The following TMEM144 variants were observed in gnomAD, a reference collection of about 807,000 sequenced individuals.
TMEM144 encodes transmembrane protein 144.
A neutral mutation model predicts 43.6 loss-of-function variants in TMEM144; 39 were observed. The ratio of observed to expected loss-of-function variants is 0.90; its 90% CI spans 0.69 to 1.17. The LOEUF (loss-of-function observed/expected upper bound fraction) is 1.17, where lower values mean the gene tolerates loss of function less well. Among genes scored for constraint, TMEM144 ranks in the 50% most tolerant of loss-of-function variants. TMEM144 has a pLI of 0.00. For missense variants in TMEM144, 417 were observed against 411.9 expected (o/e 1.01, Z -0.11); for synonymous variants, 154 against 133.6 (o/e 1.15, Z -1.06).
chr4:158,213,618 G>C (rs1734073433), intron 3 of TMEM144: 1 of 152,098 alleles, frequency 6.6e-6, no homozygotes, highest in Admixed American at 6.5e-5. Context: ...GTGAATTTTG[G>C]GGAAGGAGAA....
At chr4:158,227,452 T>C (rs143785284) in intron 6 of TMEM144, among the ~76,000 whole-genome samples, 4,426 of 152,300 alleles carry the variant, frequency 0.029, 69 homozygotes, top group Middle Eastern at 0.041. Context: ...GAGAATACTT[T>C]CAATTATCAA....
At chr4:158,218,757 A>G (rs1269073687) in intron 5 of TMEM144, among the ~76,000 whole-genome samples, 2 of 152,174 alleles carry the variant, frequency 1.3e-5, no homozygotes, top group Non-Finnish European at 2.9e-5. Flanking sequence ...AGAGACACTC[A>G]CAAGTACTTT....
chr4:158,246,258 G>C (rs72695762), intron 12 of TMEM144, among the ~76,000 whole-genome samples: 1,764 of 152,212 alleles, frequency 0.012, 14 homozygotes, highest in South Asian at 0.03. Context: ...TTGATCCAAA[G>C]ACCCCTCCCC....
chr4:158,251,115 T>G (rs1396831122), intron 12 of TMEM144, among the ~76,000 whole-genome samples: 3 of 152,222 alleles, frequency 2.0e-5, no homozygotes, highest in Non-Finnish European at 4.4e-5. Context: ...TTTTTCCTTT[T>G]AAGAAGGATC....
At chr4:158,212,217 A>G (rs1038585668) in intron 2 of TMEM144, 1 of 152,344 alleles carries the variant, frequency 6.6e-6, no homozygotes, top group Admixed American at 6.5e-5. Context: ...GCCTTTTCCA[A>G]ATGGTAACTT....
chr4:158,236,647 G>T (rs868822261), intron 8 of TMEM144, among the ~76,000 whole-genome samples: 3 of 151,920 alleles, frequency 2.0e-5, no homozygotes, highest in African/African-American at 7.3e-5. Context: ...AATTGTTTTT[G>T]CCTACAACTG....
chr4:158,235,473 G>A lies in TMEM144; in HGVS notation c.531G>A (p.Val177=). ...INTTQDPCSW[V]DKLSTVHHRI... is the part of the protein sequence containing the mutation. ...CAACCCAAGACCCCTGTTCCTGGGT[G>A]GATAAACTTTCTACAGTACACCACC... The change falls in exon 8 of 13, where the codon GTG becomes GTA. Residue 177 remains valine (V), a synonymous_variant. Transcript: ENST00000296529. 4 of 1,613,898 alleles carry A rather than the reference G, an allele frequency of 2.5e-6. No homozygotes were observed. Among genetic ancestry groups the A allele is most frequent in the Non-Finnish European group, 3.4e-6 (4 of 1,179,878 alleles).
intron 6 of TMEM144, among the ~76,000 whole-genome samples, chr4:158,226,048 A>T (rs895890536): frequency 6.6e-6 from 1 of 152,246 alleles, no homozygotes; most frequent in African/African-American, 2.4e-5. Flanking sequence ...CATGTGCACA[A>T]GCATAACAAT....
intron 12 of TMEM144, among the ~76,000 whole-genome samples, chr4:158,246,115 A>T (rs1411603074): frequency 6.6e-6 from 1 of 152,136 alleles, no homozygotes; most frequent in East Asian, 1.9e-4. Flanking sequence ...CAATTTAAAG[A>T]TTTTAAAATG....
At chr4:158,233,078 G>A in intron 7 of TMEM144, 96 bp downstream of exon 7, 2 of 872,580 alleles carry the variant, frequency 2.3e-6, no homozygotes, top group Non-Finnish European at 1.8e-6. Flanking sequence ...AGTGGTGTTT[G>A]CTCATCACTC....
rs1734772904 is a variant in TMEM144, at chr4:158,226,469, CT to C, written c.414-6429del. Reference sequence around the variant, plus strand: ...AGCCAATGTTTACACATGGAATTTTCTTTCTAATTAACATTTTAAAACTTGA... The same window carrying C: ...AGCCAATGTTTACACATGGAATTTTCTTCTAATTAACATTTTAAAACTTGA... On this transcript the variant is annotated intron_variant, in intron 6 of 12. Transcript: ENST00000296529. Among the ~76,000 whole-genome samples, 9 of 152,102 alleles carry C rather than the reference CT, an allele frequency of 5.9e-5. No individual in the cohort carries two copies. The South Asian group carries it at 1.9e-3, about 31-fold the overall frequency.
intron 10 of TMEM144, among the ~76,000 whole-genome samples, chr4:158,241,188 G>T (rs1735619147): frequency 6.6e-6 from 1 of 151,914 alleles, no homozygotes; most frequent in Admixed American, 6.6e-5. Flanking sequence ...ATGGTTTACG[G>T]TAAATGGTAT....
chr4:158,242,255 G>GC (rs1215641637), intron 11 of TMEM144, among the ~76,000 whole-genome samples: 2 of 152,150 alleles, frequency 1.3e-5, no homozygotes, highest in African/African-American at 4.8e-5. Context: ...CTTGGTGCTT[G>GC]TTATCTGGGA....
chr4:158,235,274 A>T, intron 7 of TMEM144, 164 bp from the exon 8 acceptor site: 2 of 623,046 alleles, frequency 3.2e-6, no homozygotes. Context: ...AGAGGAAACA[A>T]TTAGAAACAG....
intron 6 of TMEM144, among the ~76,000 whole-genome samples, chr4:158,228,416 C>A (rs1411355407): frequency 1.3e-5 from 2 of 150,866 alleles, no homozygotes; most frequent in Admixed American, 1.3e-4. Context: ...GATAAGGGCA[C>A]GCCATGGGTG....
intron 12 of TMEM144, among the ~76,000 whole-genome samples, chr4:158,249,192 ACCGTGCCCGGC>A (rs1252739287): frequency 6.6e-6 from 1 of 152,204 alleles, no homozygotes; most frequent in Non-Finnish European, 1.5e-5. Flanking sequence ...GGCGTGAGCC[ACCGTGCCCGGC>A]CCTGATATTC....
rs112717910 is a variant in TMEM144 at position 158,248,499 on chromosome 4, A to G, written c.954+4150A>G. On this transcript the variant is annotated intron_variant, in intron 12 of 12. Transcript: ENST00000296529. ...ACAAGCAAAATTTAACAGATGTCCA[A>G]TGGTACTTATTCAATGCAGACACCT... Among the ~76,000 whole-genome samples the G allele has an allele frequency of 5.6e-3, 853 of 152,300 alleles. 11 individuals carry two copies. The highest frequency in any genetic ancestry group is 0.02 in the African/African-American group (818 of 41,576).
intron 10 of TMEM144, among the ~76,000 whole-genome samples, 157 bp from the exon 11 acceptor site, chr4:158,241,352 T>G (rs1353467402): frequency 6.6e-6 from 1 of 152,194 alleles, no homozygotes; most frequent in Non-Finnish European, 1.5e-5. Flanking sequence ...TTACTTGCTC[T>G]AAAATAACAA....
chr4:158,252,807 CA>C (rs57460951), intron 12 of TMEM144, among the ~76,000 whole-genome samples: 742 of 67,262 alleles, frequency 0.011, 4 homozygotes, highest in African/African-American at 0.036. Context: ...GACTCCGTCT[CA>C]AAAAAAAAAA....
Sources: allele counts gnomAD v4.1 joint callset (sites outside exome capture counted in the v4.1 genomes callset), GRCh38; gene constraint gnomAD v4.1.1; transcripts MANE v1.5; gene names NCBI Gene and HGNC (gene_info 2026-07-23, HGNC 2026-07-21).